Variants in RASSF4 observed in about 807,000 individuals in gnomAD.
The protein encoded by RASSF4 is ras association domain-containing protein 4.
Under a neutral mutation model 41.1 loss-of-function variants are expected in RASSF4, and 38 were observed. The observed-to-expected ratio is 0.92, with a 90% confidence interval of 0.71 to 1.21. RASSF4 has a LOEUF of 1.21. Among genes scored for constraint, RASSF4 ranks in the 50% most tolerant of loss-of-function variants. RASSF4 has a pLI of 0.00. For missense variants in RASSF4, 414 were observed against 419.4 expected (o/e 0.99, Z 0.11); for synonymous variants, 179 against 163.4 (o/e 1.10, Z -0.73).
intron 1 of RASSF4, among the ~76,000 whole-genome samples, chr10:44,964,515 G>A (rs879618225): frequency 6.6e-6 from 1 of 152,358 alleles, no homozygotes; most frequent in African/African-American, 2.4e-5. Context: ...CTGAGCCTGG[G>A]TGGCAGGCCA....
intron 1 of RASSF4, among the ~76,000 whole-genome samples, chr10:44,962,752 TG>T (rs889381072): frequency 6.6e-6 from 1 of 152,180 alleles, no homozygotes; most frequent in African/African-American, 2.4e-5. Context: ...GAGGTGAGCC[TG>T]GTTGGTGGGG....
At chr10:44,990,842 G>C (rs1361796573) in intron 8 of RASSF4, 106 bp from the exon 9 acceptor site, 2 of 1,206,222 alleles carry the variant, frequency 1.7e-6, no homozygotes, top group African/African-American at 3.0e-5. Context: ...TGTGTTCTTA[G>C]GGTTCCCTGC....
intron 4 of RASSF4, 28 bp downstream of exon 4, chr10:44,982,691 C>A (rs757331343): frequency 1.2e-6 from 2 of 1,605,750 alleles, no homozygotes; most frequent in South Asian, 2.2e-5. Context: ...TCTGTGACAC[C>A]TGCTCAGCCT....
chr10:44,985,942 G>A (rs116492314), intron 6 of RASSF4, among the ~76,000 whole-genome samples: 2,070 of 152,288 alleles, frequency 0.014, 48 homozygotes, highest in African/African-American at 0.047. Context: ...AGAGAGTAAA[G>A]GGGACCCAGG....
intron 6 of RASSF4, among the ~76,000 whole-genome samples, chr10:44,986,843 T>G (rs1411340247): frequency 6.6e-6 from 1 of 152,254 alleles, no homozygotes; most frequent in Non-Finnish European, 1.5e-5. Context: ...TTTCCAAAAC[T>G]GTTCTGATTC....
chr10:44,971,514 TCCTGGACCAGACGCAGG>T (rs752101035), intron 2 of RASSF4: 1 of 645,992 alleles, frequency 1.5e-6, no homozygotes, highest in South Asian at 1.5e-5. Context: ...ACCCTGGACA[TCCTGGACCAGACGCAGG>T]CCTGTCCCGT....
chr10:44,963,623 T>G lies in RASSF4; in HGVS notation c.-39+3757T>G, dbSNP rs137948810. Among the ~76,000 whole-genome samples the G allele has an allele frequency of 3.6e-4, 55 of 152,344 alleles. No individual in the cohort carries two copies. In the East Asian group the frequency reaches 9.1e-3, roughly 25 times the overall value. On this transcript the variant is annotated intron_variant, in intron 1 of 10. Transcript: ENST00000340258. ...GCTGTCCTCCACCAGCGGGAGCAGC[T>G]CAGGCTCCCAGCTGTGCCCCACACA...
At position 44,995,050 on chromosome 10, in the gene RASSF4, G is replaced by A. The variant is rs1842244204; in HGVS notation, c.*1721G>A. On this transcript the variant is annotated 3_prime_UTR_variant, in exon 11 of 11. Transcript: ENST00000340258. Reference sequence around the variant, plus strand: ...TCTTCCAGGCCAGGGGCTCAGGTGGGATGGAAGCAGGGCCTAGGAGAGGGT... The same window carrying A: ...TCTTCCAGGCCAGGGGCTCAGGTGGAATGGAAGCAGGGCCTAGGAGAGGGT... 6.6e-6 allele frequency: 1 copy of A among 152,280 alleles called. No individual in the cohort carries two copies. The highest frequency in any genetic ancestry group is 6.5e-5 in the Admixed American group (1 of 15,288). 9.4% of individuals were successfully genotyped at this position (152,280 alleles called of 1,614,324 possible). A position where few individuals can be genotyped will look rare whatever the true frequency, so the allele number is the denominator to read the frequency against.
At chr10:44,982,103 G>A (rs767204625) in intron 3 of RASSF4, 36 of 260,926 alleles carry the variant, frequency 1.4e-4, no homozygotes, top group African/African-American at 3.1e-4. Flanking sequence ...GGACCCTGCC[G>A]GGCCTGGTGG....
chr10:44,990,191 G>A (rs1477871878), intron 8 of RASSF4, among the ~76,000 whole-genome samples: 3 of 152,168 alleles, frequency 2.0e-5, no homozygotes, highest in Non-Finnish European at 4.4e-5. Flanking sequence ...CCACCCCTCA[G>A]ATCTTGTTTC....
chr10:44,993,652 G>A lies in RASSF4; in HGVS notation c.*323G>A. On this transcript the variant is annotated 3_prime_UTR_variant, in exon 11 of 11. Transcript: ENST00000340258. Reference sequence around the variant, plus strand: ...AGCCCCTGCGGCTTAGGCTTCATCTGCTTGCACATTGCCTGTCCCAGAGCC... The same window carrying A: ...AGCCCCTGCGGCTTAGGCTTCATCTACTTGCACATTGCCTGTCCCAGAGCC... 3.2e-6 allele frequency: 1 copy of A among 309,388 alleles called. No homozygotes were observed. The highest frequency in any genetic ancestry group is 7.5e-5 in the South Asian group (1 of 13,324). 19.2% of individuals were successfully genotyped at this position (309,388 alleles called of 1,614,324 possible).
rs375629361 is a variant in RASSF4, at chr10:44,967,797, T to C, written c.-38-2368T>C. Reference sequence around the variant, plus strand: ...CACCCCCACCATGTTCCCGTTCTCTTGGGAGGGAAGTCTAAACAAGAGCTG... The same window carrying C: ...CACCCCCACCATGTTCCCGTTCTCTCGGGAGGGAAGTCTAAACAAGAGCTG... On this transcript the variant is annotated intron_variant, in intron 1 of 10. Transcript: ENST00000340258. 8.5e-5 allele frequency among the ~76,000 whole-genome samples: 13 copies of C among 152,094 alleles called. No homozygotes were observed. The East Asian group carries it at 2.5e-3, about 29-fold the overall frequency.
chr10:44,995,439 C>T lies in RASSF4; in HGVS notation c.*2110C>T, dbSNP rs1842250059. Reference sequence around the variant, plus strand: ...AGGCCAGGTCCTGGCACACAGGAAGCCAGTGGAGCAGGAGACCCTCCCTAA... The same window carrying T: ...AGGCCAGGTCCTGGCACACAGGAAGTCAGTGGAGCAGGAGACCCTCCCTAA... On this transcript the variant is annotated 3_prime_UTR_variant, in exon 11 of 11. Transcript: ENST00000340258. 6.6e-6 allele frequency: 1 copy of T among 152,364 alleles called. No homozygotes were observed. Among genetic ancestry groups the T allele is most frequent in the Non-Finnish European group, 1.5e-5 (1 of 68,036 alleles). 9.4% of individuals were successfully genotyped at this position (152,364 alleles called of 1,614,324 possible).
intron 3 of RASSF4, among the ~76,000 whole-genome samples, chr10:44,980,163 G>A (rs753198742): frequency 9.2e-5 from 14 of 152,146 alleles, no homozygotes; most frequent in Non-Finnish European, 1.5e-4. Flanking sequence ...AAGAGGGACC[G>A]GCAGTCCCAA....
intron 3 of RASSF4, 54 bp from the exon 4 acceptor site, chr10:44,982,467 C>A: frequency 6.3e-7 from 1 of 1,593,868 alleles, no homozygotes; most frequent in Non-Finnish European, 8.6e-7. Context: ...CTAGGGGGCA[C>A]AGGGAAGGTA....
Position 44,982,580 on chromosome 10 carries a change from C to T in RASSF4, c.198C>T (p.Pro66=), listed in dbSNP as rs758332427. 1 of 1,612,666 alleles carries T rather than the reference C, an allele frequency of 6.2e-7. No individual in the cohort carries two copies. Among genetic ancestry groups the T allele is most frequent in the Non-Finnish European group, 8.5e-7 (1 of 1,179,338 alleles). ...ACATTGCCTGGGGGCTGAGGCGGCC[C>T]ATCCGGCTGCAGATGCAGGATGACC... is the stretch of plus-strand genomic sequence containing the variant. ...LLNIAWGLRR[P]IRLQMQDDRE... Residue 66 remains proline, a synonymous_variant, in exon 4 of 11, where the codon CCC becomes CCT. Coordinates refer to ENST00000340258, the MANE Select transcript of RASSF4 (RefSeq NM_032023.4).
At chr10:44,990,250 T>C (rs1426360363) in intron 8 of RASSF4, among the ~76,000 whole-genome samples, 2 of 152,230 alleles carry the variant, frequency 1.3e-5, no homozygotes, top group African/African-American at 2.4e-5. Context: ...AGGAAAATTA[T>C]CTTCTCTTTC....
Position 44,982,538 on chromosome 10 carries a change from C to T in RASSF4, c.156C>T (p.Ile52=). 1 of 1,611,748 alleles carries T rather than the reference C, an allele frequency of 6.2e-7. No homozygotes were observed. Among genetic ancestry groups the T allele is most frequent in the Non-Finnish European group, 8.5e-7 (1 of 1,178,978 alleles). The change falls in exon 4 of 11, where the codon ATC becomes ATT. Residue 52 remains isoleucine (I), a synonymous_variant. Coordinates refer to ENST00000340258, the MANE Select transcript of RASSF4 (RefSeq NM_032023.4). The part of the protein sequence containing the change: ...LRHREEEGTL[I]IEGLLNIAWG... Reference sequence around the variant, plus strand: ...CCCCACAGGAAGAAGGGACTCTGATCATCGAGGGGCTCCTCAACATTGCCT... The same window carrying T: ...CCCCACAGGAAGAAGGGACTCTGATTATCGAGGGGCTCCTCAACATTGCCT...
intron 1 of RASSF4, among the ~76,000 whole-genome samples, chr10:44,965,479 G>A (rs780402457): frequency 9.2e-5 from 14 of 152,310 alleles, no homozygotes; most frequent in Non-Finnish European, 1.6e-4. Flanking sequence ...TTAAGAATAC[G>A]TCAAAGAAAT....
Sources: gnomAD v4.1 joint callset for allele counts (sites outside exome capture counted in the v4.1 genomes callset) on GRCh38, gnomAD v4.1.1 for gene constraint, MANE v1.5 for transcripts, NCBI Gene and HGNC (gene_info 2026-07-23, HGNC 2026-07-21) for gene names.